The following TNRC18 variants were observed in gnomAD, a reference collection of about 807,000 sequenced individuals.
TNRC18 encodes the protein trinucleotide repeat-containing gene 18 protein.
A neutral mutation model predicts 226.7 loss-of-function variants in TNRC18; 69 were observed. The observed-to-expected ratio is 0.30, with a 90% confidence interval of 0.25 to 0.37. The LOEUF (loss-of-function observed/expected upper bound fraction) is 0.37, where lower values mean the gene tolerates loss of function less well. TNRC18 is among the 10% of genes least tolerant of loss of function. The pLI is 1.00. For missense variants in TNRC18, 4,754 were observed against 4,256.6 expected (o/e 1.12, Z -3.25); for synonymous variants, 2,449 against 1,927.6 (o/e 1.27, Z -7.09).
rs1353002008 is a variant in TNRC18 at position 5,376,070 on chromosome 7, G to C, written c.2763C>G (p.Ala921=). The C allele has an allele frequency of 1.9e-6, 3 of 1,597,430 alleles. No homozygotes were observed. The highest frequency in any genetic ancestry group is 1.7e-6 in the Non-Finnish European group (2 of 1,173,348). The change falls in exon 9 of 30, where the codon GCC becomes GCG. Residue 921 remains alanine (A), a synonymous_variant. Transcript: ENST00000430969. ...CGCTCCTCTGCAGTTCCAAGGCCTG[G>C]GCCGCCTGCTGCTGCAGGTACAGGA... ...QEFLYLQQQA[A]QALELQRSAQ...
At chr7:5,370,306 C>A (rs58182076) in intron 11 of TNRC18, 69 bp downstream of exon 11, 2 of 1,478,640 alleles carry the variant, frequency 1.4e-6, no homozygotes, top group South Asian at 2.7e-5. Context: ...CTGGGCAACA[C>A]AGCAAGACCC....
chr7:5,340,351 A>T (rs1427500725), intron 18 of TNRC18, among the ~76,000 whole-genome samples: 1 of 152,228 alleles, frequency 6.6e-6, no homozygotes, highest in Non-Finnish European at 1.5e-5. Context: ...GCAAGGCCCC[A>T]ACTCTCTTCA....
At chr7:5,356,689 T>G (rs1354101852) in intron 16 of TNRC18, among the ~76,000 whole-genome samples, 2 of 152,094 alleles carry the variant, frequency 1.3e-5, no homozygotes, top group Non-Finnish European at 2.9e-5. Context: ...CACAAGCACC[T>G]GCCTGGCATC....
rs149434477 is a variant in TNRC18, at chr7:5,388,925, G to A, written c.899C>T (p.Ala300Val). The change falls in exon 5 of 30, where the codon GCG becomes GTG. Residue 300 changes from alanine (A) to valine (V), a missense_variant. By Grantham distance (64) the Ala-to-Val change is moderately conservative. Transcript: ENST00000430969. ...AGCCTCCTTGGCACCCCCGCGCCCC[G>A]CTTCGGCCACCAGCGCGGGCAGCCC... ...DVGLPALVAE[A>V]GRGGAKEAAR... 7.0e-3 allele frequency: 9,581 copies of A among 1,373,878 alleles called. 60 individuals carry two copies. The highest frequency in any genetic ancestry group is 7.6e-3 in the Non-Finnish European group (8,031 of 1,059,488). The allele number at this position is 1,373,878 out of a possible 1,614,324, so 85.1% of individuals were successfully genotyped here. A position where few individuals can be genotyped will look rare whatever the true frequency, so the allele number is the denominator to read the frequency against.
chr7:5,325,388 C>G (rs1788797509), intron 19 of TNRC18, 140 bp from the exon 20 acceptor site: 6 of 892,036 alleles, frequency 6.7e-6, no homozygotes, highest in Non-Finnish European at 9.9e-6. Flanking sequence ...CACCCCTTCT[C>G]TCTCTTCCTG....
intron 16 of TNRC18, 54 bp downstream of exon 16, chr7:5,356,862 G>T: frequency 6.8e-7 from 1 of 1,478,652 alleles, no homozygotes; most frequent in South Asian, 1.4e-5. Context: ...GAGAGAAGAG[G>T]GGAGAAAAGG....
chr7:5,422,933 G>A (rs989438171), intron 1 of TNRC18: 1 of 152,168 alleles, frequency 6.6e-6, no homozygotes. Flanking sequence ...AAAAGCCAGC[G>A]CCTCGTAGTA....
At chr7:5,409,082 C>CT (rs1171789875) in intron 2 of TNRC18, among the ~76,000 whole-genome samples, 1 of 152,158 alleles carries the variant, frequency 6.6e-6, no homozygotes, top group African/African-American at 2.4e-5. Context: ...AAGGAAAGAT[C>CT]TTTTTACAGA....
chr7:5,394,528 TG>T lies in TNRC18; in HGVS notation c.254del (p.Pro85GlnfsTer46). 1 of 1,553,094 alleles carries T rather than the reference TG, an allele frequency of 6.4e-7. No individual in the cohort carries two copies. Among genetic ancestry groups the T allele is most frequent in the Non-Finnish European group, 8.7e-7 (1 of 1,150,696 alleles). On this transcript the variant is annotated frameshift_variant, in exon 3 of 30. Transcript: ENST00000430969. LOFTEE classifies it high-confidence loss of function. The surrounding 1 kb of genome is among the most constrained non-coding windows in gnomAD (Gnocchi z 4.5). ...MGPSASSHGSPVPLPSDLSFR... is the reference protein window; with the variant it reads ...MGPSASSHGSXVPLPSDLSFR... ...AAGACAGGTCAGAGGGCAGTGGCACTGGGCTCCCATGGGACGAGGCCGAGGG... is the reference window on the plus strand; with the variant it reads ...AAGACAGGTCAGAGGGCAGTGGCACTGGCTCCCATGGGACGAGGCCGAGGG...
intron 2 of TNRC18, among the ~76,000 whole-genome samples, chr7:5,400,876 C>CA (rs1242366464): frequency 6.6e-6 from 1 of 151,828 alleles, no homozygotes; most frequent in Non-Finnish European, 1.5e-5. Flanking sequence ...CTTATCTCTA[C>CA]AAAAAAATAC....
Position 5,362,760 on chromosome 7 carries a change from G to A in TNRC18, c.4285C>T (p.Leu1429=), listed in dbSNP as rs1337535529. 6.4e-7 allele frequency: 1 copy of A among 1,571,740 alleles called. No individual in the cohort carries two copies. Among genetic ancestry groups the A allele is most frequent in the East Asian group, 2.4e-5 (1 of 42,376 alleles). The change falls in exon 12 of 30, where the codon CTG becomes TTG. Residue 1429 remains leucine, a synonymous_variant. Transcript: ENST00000430969. ...ACGGGCCCATCCAGCACCTCCCTCA[G>A]CATGTGGCTGCCAGCTGCCAGCAGA... ...ESLLAAGSHM[L]REVLDGPVVD... is the part of the protein sequence containing the mutation.
rs1368173901 is a variant in TNRC18 at position 5,394,612 on chromosome 7, G to A, written c.188-17C>T. On this transcript the variant is annotated splice_polypyrimidine_tract_variant and intron_variant, in intron 2 of 29. Transcript: ENST00000430969. The surrounding 1 kb of genome is among the most constrained non-coding windows in gnomAD (Gnocchi z 4.5). ...AGGCCTCGCCTGCAGAGAGAAGTTG[G>A]GAGGACCGTCAGGCAGACAACCAGG... 2.0e-6 allele frequency: 3 copies of A among 1,537,216 alleles called. No individual in the cohort carries two copies. In the East Asian group the frequency reaches 7.6e-5, roughly 39 times the overall value.
intron 2 of TNRC18, among the ~76,000 whole-genome samples, chr7:5,414,135 TG>T (rs1782011397): frequency 6.6e-6 from 1 of 151,762 alleles, no homozygotes; most frequent in Non-Finnish European, 1.5e-5. Context: ...TTAGTAGAGA[TG>T]GGATTTCACC....
chr7:5,327,286 A>C (rs538908103), intron 19 of TNRC18, among the ~76,000 whole-genome samples: 4 of 152,372 alleles, frequency 2.6e-5, no homozygotes, highest in Admixed American at 1.3e-4. Context: ...CATTAAAAGA[A>C]ACAAAAAATG....
At chr7:5,373,021 G>A (rs1273923632) in intron 10 of TNRC18, among the ~76,000 whole-genome samples, 1 of 152,152 alleles carries the variant, frequency 6.6e-6, no homozygotes, top group Non-Finnish European at 1.5e-5. Context: ...AGCCGGGCAT[G>A]GTGGCACATG....
intron 22 of TNRC18, 68 bp from the exon 23 acceptor site, chr7:5,320,675 G>A (rs1788260035): frequency 1.9e-5 from 25 of 1,340,592 alleles, no homozygotes; most frequent in Non-Finnish European, 2.5e-5. Context: ...AATCCCACCA[G>A]CACAGCACTG....
chr7:5,406,587 A>C lies in TNRC18; in HGVS notation c.188-11992T>G, dbSNP rs113507811. 2.8e-3 allele frequency among the ~76,000 whole-genome samples: 419 copies of C among 152,234 alleles called. 2 individuals are homozygous for C. The highest frequency in any genetic ancestry group is 9.4e-3 in the African/African-American group (391 of 41,528). On this transcript the variant is annotated intron_variant, in intron 2 of 29. Coordinates refer to ENST00000430969, the MANE Select transcript of TNRC18 (RefSeq NM_001080495.3). ...AAGTAGAGGCCGGGCCCAGTGGCTC[A>C]AGCCTGTAATCCCAGCACTTTGGAA... is the stretch of plus-strand genomic sequence containing the variant.
chr7:5,405,286 A>T (rs1358724155), intron 2 of TNRC18, among the ~76,000 whole-genome samples: 3 of 152,034 alleles, frequency 2.0e-5, no homozygotes, highest in African/African-American at 7.2e-5. Flanking sequence ...AAGTTAGCCA[A>T]GGCTAGGCAC....
rs570365021 is a variant in TNRC18, at chr7:5,361,972, C to T, written c.4457G>A (p.Arg1486Gln). The change falls in exon 13 of 30, where the codon CGG (arginine) becomes CAG (glutamine). Residue 1486 changes from arginine (R) to glutamine (Q), a missense_variant. Coordinates refer to ENST00000430969, the MANE Select transcript of TNRC18 (RefSeq NM_001080495.3). ...MDALELDFRM[R>Q]LAEVQRQYKE... The stretch of plus-strand genomic sequence containing the variant: ...GTACTGGCGCTGCACCTCGGCCAGC[C>T]GCATCCGGAAGTCCAGCTCCAGGGC... 5.0e-6 allele frequency: 8 copies of T among 1,613,306 alleles called. No homozygotes were observed. Among genetic ancestry groups the T allele is most frequent in the African/African-American group, 2.7e-5 (2 of 75,052 alleles).
Sources: allele counts gnomAD v4.1 joint callset (sites outside exome capture counted in the v4.1 genomes callset), GRCh38; gene constraint gnomAD v4.1.1; non-coding constraint Gnocchi (gnomAD v3.1); transcripts MANE v1.5; gene names NCBI Gene and HGNC (gene_info 2026-07-23, HGNC 2026-07-21).